Variants in PLPPR1 observed in about 807,000 individuals in gnomAD.
PLPPR1 encodes phospholipid phosphatase-related protein type 1.
Under a neutral mutation model 33.1 loss-of-function variants are expected in PLPPR1, and 10 were observed. The observed-to-expected ratio is 0.30, with a 90% CI of 0.19 to 0.51. The LOEUF (loss-of-function observed/expected upper bound fraction) is 0.51. Ranked by LOEUF, PLPPR1 falls within the 20% of genes least tolerant of loss-of-function variation. The pLI is 0.97. For missense variants in PLPPR1, 304 were observed against 408.1 expected (o/e 0.74, Z 2.20); for synonymous variants, 151 against 151.0 (o/e 1.00, Z 0.00).
At chr9:101,303,427 G>A (rs1181243190) in intron 4 of PLPPR1, among the ~76,000 whole-genome samples, 1 of 152,152 alleles carries the variant, frequency 6.6e-6, no homozygotes, top group East Asian at 1.9e-4. Flanking sequence ...TCAGCCTCCT[G>A]AGTAGCTGGG....
intron 1 of PLPPR1, among the ~76,000 whole-genome samples, chr9:101,163,243 C>T (rs147395225): frequency 1.1e-4 from 16 of 152,184 alleles, no homozygotes; most frequent in South Asian, 2.1e-4. Context: ...GAACACTCCA[C>T]GACAAAAATA....
At chr9:101,145,374 C>A (rs1342541088) in intron 1 of PLPPR1, among the ~76,000 whole-genome samples, 2 of 152,106 alleles carry the variant, frequency 1.3e-5, no homozygotes, top group Non-Finnish European at 2.9e-5. Flanking sequence ...ATATTATACA[C>A]AATAAATCTA....
chr9:101,261,474 G>A (rs191784970), intron 2 of PLPPR1, among the ~76,000 whole-genome samples: 170 of 152,130 alleles, frequency 1.1e-3, no homozygotes, highest in Non-Finnish European at 2.1e-3. Flanking sequence ...AAAGAAGAGG[G>A]GATGAATTCT....
intron 3 of PLPPR1, among the ~76,000 whole-genome samples, chr9:101,285,773 A>G (rs1266734709): frequency 6.6e-6 from 1 of 152,130 alleles, no homozygotes; most frequent in African/African-American, 2.4e-5. Flanking sequence ...ATCATTCCTC[A>G]TCATTGCTAC....
chr9:101,292,475 A>C (rs1471002203), intron 4 of PLPPR1, among the ~76,000 whole-genome samples: 4 of 152,220 alleles, frequency 2.6e-5, no homozygotes, highest in Non-Finnish European at 5.9e-5. Flanking sequence ...GAGCAACTCC[A>C]AGACACATAA....
chr9:101,320,309 C>T (rs1244687352), intron 7 of PLPPR1, among the ~76,000 whole-genome samples: 1 of 152,194 alleles, frequency 6.6e-6, no homozygotes. Flanking sequence ...TAAGTAAAGC[C>T]AAGTGTTCCC....
intron 1 of PLPPR1, among the ~76,000 whole-genome samples, chr9:101,052,492 G>T (rs1461228544): frequency 6.6e-6 from 1 of 152,182 alleles, no homozygotes; most frequent in South Asian, 2.1e-4. Flanking sequence ...GAATGGCTGA[G>T]AAGCCACAAT....
chr9:101,296,482 A>G (rs1828641822), intron 4 of PLPPR1, among the ~76,000 whole-genome samples: 3 of 151,942 alleles, frequency 2.0e-5, no homozygotes, highest in Admixed American at 1.3e-4. Flanking sequence ...TCATGCTGCT[A>G]TAAAGACACA....
chr9:101,150,210 A>G (rs1564158769), intron 1 of PLPPR1, among the ~76,000 whole-genome samples: 1 of 152,164 alleles, frequency 6.6e-6, no homozygotes, highest in Admixed American at 6.5e-5. Flanking sequence ...CTACAGCTAT[A>G]TGAAATATTT....
chr9:101,181,128 T>TGTA, intron 1 of PLPPR1, among the ~76,000 whole-genome samples: 2 of 147,490 alleles, frequency 1.4e-5, no homozygotes, highest in African/African-American at 4.9e-5. Flanking sequence ...ATATTAGATA[T>TGTA]ATTATATATC....
chr9:101,312,875 A>G lies in PLPPR1; in HGVS notation c.714A>G (p.Thr238=). The G allele has an allele frequency of 3.7e-6, 6 of 1,614,166 alleles. No individual in the cohort carries two copies. The highest frequency in any genetic ancestry group is 5.1e-6 in the Non-Finnish European group (6 of 1,180,024). The change falls in exon 6 of 8, where the codon ACA becomes ACG. Residue 238 remains threonine (T), a synonymous_variant. Coordinates refer to ENST00000374874, the MANE Select transcript of PLPPR1 (RefSeq NM_207299.2). ...TGCTGTGCCTCGGAACTCTCTGCACAGCCTTCCTGACAGGCCTCAACCGGG... is the reference window on the plus strand; with the variant it reads ...TGCTGTGCCTCGGAACTCTCTGCACGGCCTTCCTGACAGGCCTCAACCGGG... ...KPVLCLGTLC[T]AFLTGLNRVS...
chr9:101,079,071 C>G (rs1396195771), intron 1 of PLPPR1, among the ~76,000 whole-genome samples: 1 of 152,058 alleles, frequency 6.6e-6, no homozygotes, highest in Non-Finnish European at 1.5e-5. Context: ...GAGGAAATGC[C>G]ATCCTCCCTA....
At chr9:101,275,163 C>T (rs1463839753) in intron 3 of PLPPR1, among the ~76,000 whole-genome samples, 2 of 152,200 alleles carry the variant, frequency 1.3e-5, no homozygotes, top group African/African-American at 4.8e-5. Flanking sequence ...GAGACACTAA[C>T]TAACATCAAA....
intron 2 of PLPPR1, among the ~76,000 whole-genome samples, chr9:101,208,452 G>A (rs1188935004): frequency 6.6e-6 from 1 of 152,138 alleles, no homozygotes; most frequent in Non-Finnish European, 1.5e-5. Flanking sequence ...TCGTCAATTT[G>A]TGCTGATGTC....
chr9:101,131,629 G>A (rs995162997), intron 1 of PLPPR1: 1 of 152,162 alleles, frequency 6.6e-6, no homozygotes, highest in Non-Finnish European at 1.5e-5. Flanking sequence ...ATCTACATGC[G>A]GATATGGAAG....
At chr9:101,076,677 A>G (rs1830541345) in intron 1 of PLPPR1, among the ~76,000 whole-genome samples, 1 of 152,218 alleles carries the variant, frequency 6.6e-6, no homozygotes, top group Non-Finnish European at 1.5e-5. Flanking sequence ...TAAACAATTG[A>G]CTTTAGCAAT....
intron 2 of PLPPR1, among the ~76,000 whole-genome samples, chr9:101,237,875 C>G (rs867852564): frequency 7.7e-6 from 1 of 130,590 alleles, no homozygotes; most frequent in Non-Finnish European, 1.6e-5. Flanking sequence ...TATACACACA[C>G]ATATATATAT....
chr9:101,129,241 A>G (rs1377513330), intron 1 of PLPPR1, among the ~76,000 whole-genome samples: 1 of 152,134 alleles, frequency 6.6e-6, no homozygotes, highest in African/African-American at 2.4e-5. Context: ...TGATGGAGCA[A>G]TTGGAACTCT....
intron 2 of PLPPR1, among the ~76,000 whole-genome samples, chr9:101,255,587 A>T (rs1827785841): frequency 6.6e-6 from 1 of 152,128 alleles, no homozygotes; most frequent in Non-Finnish European, 1.5e-5. Context: ...AGTTTGATGT[A>T]ATTATTTCCA....
Sources: gnomAD v4.1 joint callset for allele counts (sites outside exome capture counted in the v4.1 genomes callset) on GRCh38, gnomAD v4.1.1 for gene constraint, MANE v1.5 for transcripts, NCBI Gene and HGNC (gene_info 2026-07-23, HGNC 2026-07-21) for gene names.